The following SAMD12 variants were observed in gnomAD, a reference collection of about 807,000 sequenced individuals.
SAMD12 encodes sterile alpha motif domain-containing protein 12.
A neutral mutation model predicts 15.0 loss-of-function variants in SAMD12; 9 were observed. That is an observed-to-expected ratio of 0.60 (90% confidence interval 0.36 to 1.05). The LOEUF (loss-of-function observed/expected upper bound fraction) is 1.05. SAMD12 is among the 50% of genes least tolerant of loss of function. The pLI is 0.01. For missense variants in SAMD12, 230 were observed against 234.2 expected, an observed-to-expected ratio of 0.98 and a Z score of 0.12; for synonymous variants, 86 against 90.1, an observed-to-expected ratio of 0.96 and a Z score of 0.25.
chr8:118,516,636 TTC>T (rs201890298), intron 2 of SAMD12, among the ~76,000 whole-genome samples: 2,141 of 117,998 alleles, frequency 0.018, 53 homozygotes, highest in African/African-American at 0.063. Context: ...TTTTCTTTCT[TTC>T]TTTTTTTTTT....
intron 2 of SAMD12, among the ~76,000 whole-genome samples, chr8:118,462,836 C>T (rs1449418027): frequency 6.6e-6 from 1 of 152,102 alleles, no homozygotes; most frequent in East Asian, 1.9e-4. Context: ...GGCGCGGTGG[C>T]TCACGCCTGT....
At chr8:118,236,681 T>A (rs1420943807) in intron 4 of SAMD12, among the ~76,000 whole-genome samples, 1 of 152,208 alleles carries the variant, frequency 6.6e-6, no homozygotes, top group Non-Finnish European at 1.5e-5. Flanking sequence ...ACAAATGACA[T>A]CCATCTTCTG....
chr8:118,549,657 A>G (rs554322615), intron 2 of SAMD12, among the ~76,000 whole-genome samples: 11 of 152,370 alleles, frequency 7.2e-5, no homozygotes, highest in Admixed American at 3.9e-4. Flanking sequence ...GTTCCTCACC[A>G]GCAATGGAAC....
chr8:118,401,784 G>A (rs1438021744), intron 3 of SAMD12, among the ~76,000 whole-genome samples: 1 of 152,114 alleles, frequency 6.6e-6, no homozygotes, highest in African/African-American at 2.4e-5. Context: ...TGCTGGGATT[G>A]AACACACATA....
At chr8:118,227,570 T>A (rs893661184) in intron 4 of SAMD12, among the ~76,000 whole-genome samples, 3 of 152,090 alleles carry the variant, frequency 2.0e-5, no homozygotes, top group Non-Finnish European at 2.9e-5. Flanking sequence ...TGGTATAACA[T>A]GGAATATGAT....
intron 4 of SAMD12, chr8:118,284,469 A>T (rs1813824326): frequency 4.8e-6 from 2 of 412,480 alleles, no homozygotes; most frequent in South Asian, 1.8e-5. Flanking sequence ...TTTAATCTTC[A>T]TACACAAAGA....
At chr8:118,606,308 C>G (rs1195623936) in intron 1 of SAMD12, among the ~76,000 whole-genome samples, 2 of 152,128 alleles carry the variant, frequency 1.3e-5, no homozygotes, top group Non-Finnish European at 2.9e-5. Context: ...GAAAAAGACT[C>G]AAGATATCAA....
chr8:118,460,178 G>A (rs1187311637), intron 2 of SAMD12, among the ~76,000 whole-genome samples: 1 of 151,978 alleles, frequency 6.6e-6, no homozygotes, highest in Non-Finnish European at 1.5e-5. Flanking sequence ...TTTCTTCTAT[G>A]AATTACTATA....
At chr8:118,255,277 GAAC>G (rs1049607442) in intron 4 of SAMD12, among the ~76,000 whole-genome samples, 10 of 151,910 alleles carry the variant, frequency 6.6e-5, no homozygotes, top group African/African-American at 2.2e-4. Context: ...AGATGAACAA[GAAC>G]AACAACAACA....
intron 2 of SAMD12, among the ~76,000 whole-genome samples, chr8:118,488,800 G>T (rs1325147255): frequency 6.6e-6 from 1 of 152,292 alleles, no homozygotes; most frequent in African/African-American, 2.4e-5. Context: ...GGTATTTTGA[G>T]TAAAGCTGCT....
rs938377374 is a variant in SAMD12, at chr8:118,551,938, A to G, written c.192+28777T>C. Among the ~76,000 whole-genome samples, 10 of 151,390 alleles carry G rather than the reference A, an allele frequency of 6.6e-5. No homozygotes were observed. The South Asian group carries it at 1.0e-3, about 16-fold the overall frequency. On this transcript the variant is annotated intron_variant, in intron 2 of 3. Transcript: ENST00000314727. ...ACTAGAAAATCTAGAAGAAATGGAT[A>G]AATTCCTCGACACATACACTCTCCC... is the stretch of plus-strand genomic sequence containing the variant.
At chr8:118,232,521 T>G (rs992190028) in intron 4 of SAMD12, among the ~76,000 whole-genome samples, 1 of 152,186 alleles carries the variant, frequency 6.6e-6, no homozygotes, top group Admixed American at 6.5e-5. Flanking sequence ...GCATCTGCTA[T>G]ATCAGCAGAG....
chr8:118,587,524 T>G (rs2131272098), intron 1 of SAMD12, among the ~76,000 whole-genome samples: 1 of 152,288 alleles, frequency 6.6e-6, no homozygotes, highest in East Asian at 1.9e-4. Context: ...TGATGACAGA[T>G]TCCTCCCTAG....
chr8:118,230,087 G>A (rs574004008), intron 4 of SAMD12, among the ~76,000 whole-genome samples: 1 of 152,210 alleles, frequency 6.6e-6, no homozygotes, highest in Non-Finnish European at 1.5e-5. Context: ...AAGCTGCCAA[G>A]GAGAAGGAGG....
At chr8:118,620,173 T>C (rs1409581507) in intron 1 of SAMD12, among the ~76,000 whole-genome samples, 1 of 151,958 alleles carries the variant, frequency 6.6e-6, no homozygotes, top group Non-Finnish European at 1.5e-5. Context: ...CAAGAAATTG[T>C]TTTCGAGAAC....
chr8:118,265,774 T>C (rs898578779), intron 4 of SAMD12, among the ~76,000 whole-genome samples: 1 of 151,874 alleles, frequency 6.6e-6, no homozygotes, highest in African/African-American at 2.4e-5. Flanking sequence ...TTAAAGTATA[T>C]GTAAAATTTG....
At chr8:118,540,817 C>T (rs1489005933) in intron 2 of SAMD12, among the ~76,000 whole-genome samples, 14 of 152,070 alleles carry the variant, frequency 9.2e-5, no homozygotes, top group Non-Finnish European at 1.5e-4. Context: ...AAGGTAAGTA[C>T]ACTGCTGTGA....
intron 3 of SAMD12, among the ~76,000 whole-genome samples, chr8:118,435,687 T>C (rs1005538068): frequency 1.3e-5 from 2 of 152,260 alleles, no homozygotes; most frequent in African/African-American, 4.8e-5. Flanking sequence ...AAACAAATGT[T>C]CATATAGTAG....
At chr8:118,278,494 C>A (rs1813525072) in intron 4 of SAMD12, among the ~76,000 whole-genome samples, 1 of 152,272 alleles carries the variant, frequency 6.6e-6, no homozygotes, top group African/African-American at 2.4e-5. Context: ...TCTGGGAAGC[C>A]TAGAGAACAA....
Sources: allele counts gnomAD v4.1 joint callset (sites outside exome capture counted in the v4.1 genomes callset), GRCh38; gene constraint gnomAD v4.1.1; transcripts MANE v1.5; gene names NCBI Gene and HGNC (gene_info 2026-07-23, HGNC 2026-07-21).